SECISBP2L: variants seen among roughly 807,000 people sequenced by gnomAD.
SECISBP2L encodes the protein SECIS binding protein 2 like, also known as selenocysteine insertion sequence-binding protein 2-like.
A neutral mutation model predicts 114.7 loss-of-function variants in SECISBP2L; 43 were observed. The ratio of observed to expected loss-of-function variants is 0.38; its 90% CI spans 0.29 to 0.48. The LOEUF (loss-of-function observed/expected upper bound fraction) is 0.48. Ranked by LOEUF, SECISBP2L falls within the 20% of genes least tolerant of loss-of-function variation. SECISBP2L has a pLI of 0.98. For missense variants in SECISBP2L, 1,136 were observed against 1,301.1 expected, an observed-to-expected ratio of 0.87 and a Z score of 1.95; for synonymous variants, 451 against 439.7, an observed-to-expected ratio of 1.03 and a Z score of -0.32.
At position 48,999,887 on chromosome 15, in the gene SECISBP2L, C is replaced by T. The variant is rs1249129282; in HGVS notation, c.2349G>A (p.Val783=). 1 of 1,613,912 alleles carries T rather than the reference C, an allele frequency of 6.2e-7. No individual in the cohort carries two copies. The highest frequency in any genetic ancestry group is 2.2e-5 in the East Asian group (1 of 44,888). ...CTACGCTAACAGGAACCAGCTTGTT[C>T]ACACAGCGTCCTAGAGCTTTCCTTC... is the stretch of plus-strand genomic sequence containing the variant. ...ALGRKALGRC[V]NKLVPVSVVG... Residue 783 remains valine (V), a synonymous_variant, in exon 16 of 18, where the codon GTG becomes GTA. Coordinates refer to ENST00000559471, the MANE Select transcript of SECISBP2L (RefSeq NM_001193489.2).
At chr15:49,043,784 T>C (rs563018137) in intron 1 of SECISBP2L, among the ~76,000 whole-genome samples, 1 of 152,212 alleles carries the variant, frequency 6.6e-6, no homozygotes, top group African/African-American at 2.4e-5. Flanking sequence ...TATAACATTC[T>C]TTCAAATAAT....
chr15:49,043,472 T>TG (rs1274684438), intron 1 of SECISBP2L, among the ~76,000 whole-genome samples: 1 of 152,138 alleles, frequency 6.6e-6, no homozygotes, highest in African/African-American at 2.4e-5. Context: ...AAGAGACTGT[T>TG]AACCTCAAGT....
intron 11 of SECISBP2L, among the ~76,000 whole-genome samples, chr15:49,015,407 A>G (rs1902516733): frequency 6.6e-6 from 1 of 152,228 alleles, no homozygotes; most frequent in Non-Finnish European, 1.5e-5. Context: ...AGAGGTTGAT[A>G]GTGGATTGGT....
chr15:49,028,760 G>C (rs1235460491), intron 4 of SECISBP2L, 78 bp from the exon 5 acceptor site: 19 of 1,218,468 alleles, frequency 1.6e-5, no homozygotes, highest in Admixed American at 4.0e-5. Flanking sequence ...CATTAAGATT[G>C]TAAGAAAATA....
At chr15:49,015,671 T>C (rs1902521918) in intron 11 of SECISBP2L, among the ~76,000 whole-genome samples, 1 of 152,190 alleles carries the variant, frequency 6.6e-6, no homozygotes, top group Non-Finnish European at 1.5e-5. Context: ...CTGACAAGGT[T>C]TGTTAAAATA....
intron 11 of SECISBP2L, among the ~76,000 whole-genome samples, chr15:49,014,857 T>C (rs1276111657): frequency 6.7e-6 from 1 of 149,214 alleles, no homozygotes; most frequent in Non-Finnish European, 1.5e-5. Context: ...ATGTATATAT[T>C]TAGCAGTATA....
At position 49,017,019 on chromosome 15, in the gene SECISBP2L, T is replaced by C. The variant is rs1902550238; in HGVS notation, c.1252-4A>G. The C allele has an allele frequency of 6.2e-7, 1 of 1,608,222 alleles. No individual in the cohort carries two copies. Among genetic ancestry groups the C allele is most frequent in the Non-Finnish European group, 8.5e-7 (1 of 1,178,166 alleles). Reference sequence around the variant, plus strand: ...AGTTTTCAGGTAAATCATCCAACTATGATAACCAGAAAAAACACATTTGTT... The same window carrying C: ...AGTTTTCAGGTAAATCATCCAACTACGATAACCAGAAAAAACACATTTGTT... On this transcript the variant is annotated splice_polypyrimidine_tract_variant and splice_region_variant and intron_variant, in intron 9 of 17. Coordinates refer to ENST00000559471, the MANE Select transcript of SECISBP2L (RefSeq NM_001193489.2).
At position 49,011,827 on chromosome 15, in the gene SECISBP2L, A is replaced by G; in HGVS notation, c.1768T>C (p.Leu590=). 1 of 1,614,124 alleles carries G rather than the reference A, an allele frequency of 6.2e-7. No individual in the cohort carries two copies. The highest frequency in any genetic ancestry group is 8.5e-7 in the Non-Finnish European group (1 of 1,179,988). Residue 590 remains leucine, a synonymous_variant, in exon 13 of 18, where the codon TTA becomes CTA. Coordinates refer to ENST00000559471, the MANE Select transcript of SECISBP2L (RefSeq NM_001193489.2). ...CCCAAAAGATTGTGGTCCACAGTTAAGCGCCCCTTCTTTTCCTCTCTTTCT... is the reference window on the plus strand; with the variant it reads ...CCCAAAAGATTGTGGTCCACAGTTAGGCGCCCCTTCTTTTCCTCTCTTTCT... ...LKEREEKKGR[L]TVDHNLLGSE...
intron 4 of SECISBP2L, among the ~76,000 whole-genome samples, chr15:49,031,212 T>C (rs1486281542): frequency 6.6e-6 from 1 of 151,782 alleles, no homozygotes; most frequent in Non-Finnish European, 1.5e-5. Flanking sequence ...CACACAGAGC[T>C]GATTTTTATA....
chr15:49,033,264 C>T (rs772324413), intron 3 of SECISBP2L, among the ~76,000 whole-genome samples, 164 bp from the exon 4 acceptor site: 2 of 152,136 alleles, frequency 1.3e-5, no homozygotes, highest in Non-Finnish European at 2.9e-5. Flanking sequence ...TCATGAAATG[C>T]CTGCAGCAAA....
rs750875229 is a variant in SECISBP2L, at chr15:48,992,756, C to A, written c.2794G>T (p.Ala932Ser). 3.0e-5 allele frequency: 48 copies of A among 1,614,210 alleles called. No homozygotes were observed. In the African/African-American group the frequency reaches 6.0e-4, roughly 20 times the overall value. Reference protein sequence around the residue: ...SLVATGSTTSATSAGKSTASD... With the variant: ...SLVATGSTTSSTSAGKSTASD... ...GCTGTGGATTTCCCAGCACTTGTAGCTGAGGTAGTACTGCCTGTAGCCACT... is the reference window on the plus strand; with the variant it reads ...GCTGTGGATTTCCCAGCACTTGTAGATGAGGTAGTACTGCCTGTAGCCACT... Residue 932 changes from alanine (A) to serine (S), a missense_variant, in exon 18 of 18, where the codon GCT becomes TCT. By Grantham distance (99) the Ala-to-Ser change is moderately conservative. Coordinates refer to ENST00000559471, the MANE Select transcript of SECISBP2L (RefSeq NM_001193489.2).
At chr15:49,005,287 G>A (rs1459741299) in intron 14 of SECISBP2L, among the ~76,000 whole-genome samples, 1 of 151,982 alleles carries the variant, frequency 6.6e-6, no homozygotes, top group East Asian at 1.9e-4. Flanking sequence ...CCGAGATCGC[G>A]CCACTGCACT....
At chr15:49,000,821 C>T in intron 15 of SECISBP2L, 56 bp downstream of exon 15, 1 of 1,354,110 alleles carries the variant, frequency 7.4e-7, no homozygotes, top group South Asian at 1.4e-5. Context: ...ACTTTATATT[C>T]ACTGTATATC....
At chr15:49,006,456 T>C (rs1902325628) in intron 14 of SECISBP2L, among the ~76,000 whole-genome samples, 1 of 152,192 alleles carries the variant, frequency 6.6e-6, no homozygotes, top group Non-Finnish European at 1.5e-5. Context: ...CTTTTCATTA[T>C]TTTTTCTCTA....
At chr15:49,019,312 CAT>C (rs1595789623) in intron 8 of SECISBP2L, 104 bp downstream of exon 8, 10 of 876,568 alleles carry the variant, frequency 1.1e-5, no homozygotes, top group Middle Eastern at 3.8e-4. Context: ...ACTAGAATCA[CAT>C]GTTAAGACAT....
chr15:49,043,944 C>G (rs1196062404), intron 1 of SECISBP2L, among the ~76,000 whole-genome samples: 1 of 150,710 alleles, frequency 6.6e-6, no homozygotes, highest in Non-Finnish European at 1.5e-5. Context: ...AACATGAATG[C>G]CTTCAGGCAA....
chr15:49,019,592 T>C, intron 7 of SECISBP2L, 40 bp from the exon 8 acceptor site: 1 of 1,399,552 alleles, frequency 7.1e-7, no homozygotes, highest in Middle Eastern at 1.9e-4. Context: ...CTAATTATTT[T>C]TAAATAAATG....
At chr15:49,030,492 A>G (rs945123737) in intron 4 of SECISBP2L, among the ~76,000 whole-genome samples, 2 of 152,188 alleles carry the variant, frequency 1.3e-5, no homozygotes, top group African/African-American at 2.4e-5. Flanking sequence ...ACAGGGTGGG[A>G]TCATTCTCTT....
chr15:49,027,749 C>T (rs1189374327), intron 6 of SECISBP2L, among the ~76,000 whole-genome samples: 1 of 151,938 alleles, frequency 6.6e-6, no homozygotes, highest in Non-Finnish European at 1.5e-5. Flanking sequence ...GCTGGGATTA[C>T]AGGCGCTCAC....
Sources: allele counts gnomAD v4.1 joint callset (sites outside exome capture counted in the v4.1 genomes callset), GRCh38; gene constraint gnomAD v4.1.1; transcripts MANE v1.5; gene names NCBI Gene and HGNC (gene_info 2026-07-23, HGNC 2026-07-21).